The following GBF1 variants were observed in gnomAD, a reference collection of about 807,000 sequenced individuals.
GBF1 encodes Golgi-specific brefeldin A-resistance guanine nucleotide exchange factor 1.
GBF1 carries 114 observed loss-of-function variants against 210.5 expected under a neutral mutation model. That is an observed-to-expected ratio of 0.54 (90% CI 0.47 to 0.63). The LOEUF (loss-of-function observed/expected upper bound fraction) is 0.63. GBF1 is among the 30% of genes least tolerant of loss of function. The pLI, the probability that GBF1 is intolerant of heterozygous loss-of-function variation, is 0.00. For synonymous variants in GBF1, 850 were observed against 889.2 expected (o/e 0.96, Z 0.78); for missense variants, 1,851 against 2,357.7 (o/e 0.79, Z 4.45).
At chr10:102,357,483 T>C (rs1426719495) in intron 8 of GBF1, among the ~76,000 whole-genome samples, 2 of 142,772 alleles carry the variant, frequency 1.4e-5, no homozygotes, top group African/African-American at 5.2e-5. Context: ...CTAGACTCCA[T>C]CTCAAAAAAA....
chr10:102,346,707 C>A (rs1434569783), intron 4 of GBF1, among the ~76,000 whole-genome samples: 2 of 152,128 alleles, frequency 1.3e-5, no homozygotes, highest in African/African-American at 4.8e-5. Flanking sequence ...GGAGTTTCTC[C>A]ATGTTGCCCA....
intron 8 of GBF1, among the ~76,000 whole-genome samples, chr10:102,354,702 C>T (rs1354946958): frequency 6.6e-6 from 1 of 152,072 alleles, no homozygotes; most frequent in Non-Finnish European, 1.5e-5. Flanking sequence ...CATAGTTAGC[C>T]TAGAAAGCCT....
chr10:102,361,939 G>T, intron 14 of GBF1, 27 bp downstream of exon 14: 2 of 1,436,340 alleles, frequency 1.4e-6, no homozygotes, highest in East Asian at 2.4e-5. Flanking sequence ...CTGGCTTCTA[G>T]GAAAAAACGC....
chr10:102,381,302 G>T (rs755004712), intron 39 of GBF1, 47 bp downstream of exon 39: 2 of 1,599,440 alleles, frequency 1.3e-6, no homozygotes, highest in South Asian at 1.1e-5. Context: ...AGCAAGCAGG[G>T]GGCCTAAGAG....
chr10:102,251,256 A>C (rs578011461), intron 1 of GBF1, among the ~76,000 whole-genome samples: 4 of 152,262 alleles, frequency 2.6e-5, no homozygotes, highest in African/African-American at 9.6e-5. Flanking sequence ...TCTGGTAGAG[A>C]AGCAAATATA....
At chr10:102,357,066 C>G (rs894815835) in intron 8 of GBF1, among the ~76,000 whole-genome samples, 1 of 152,120 alleles carries the variant, frequency 6.6e-6, no homozygotes, top group Non-Finnish European at 1.5e-5. Flanking sequence ...TTGGGAGCAG[C>G]AGAGAGCACA....
At position 102,363,878 on chromosome 10, in the gene GBF1, A is replaced by AG. The variant is rs1386723209; in HGVS notation, c.2106+82dup. ...GTAGGGTTTCCATCTCAGAAGATGA[A>AG]GGAGAGTCTAGCACCTCATTGTACA... On this transcript the variant is annotated intron_variant, in intron 17 of 39. Coordinates refer to ENST00000369983, the MANE Select transcript of GBF1 (RefSeq NM_001377137.1). This position sits in a 1 kb window ranked among gnomAD's most constrained non-coding sequence, Gnocchi z 4.2. 2.3e-6 allele frequency: 2 copies of AG among 859,952 alleles called. No homozygotes were observed. The highest frequency in any genetic ancestry group is 3.9e-6 in the Non-Finnish European group (2 of 513,756). The allele number at this position is 859,952 out of a possible 1,614,324, so 53.3% of individuals were successfully genotyped here.
At chr10:102,311,382 G>A (rs556787663) in intron 3 of GBF1, among the ~76,000 whole-genome samples, 2 of 152,334 alleles carry the variant, frequency 1.3e-5, no homozygotes, top group Admixed American at 1.3e-4. Flanking sequence ...AACTAAAAGA[G>A]AAGCTGCAGG....
chr10:102,337,930 C>T (rs1250230698), intron 3 of GBF1, among the ~76,000 whole-genome samples: 1 of 152,156 alleles, frequency 6.6e-6, no homozygotes, highest in Non-Finnish European at 1.5e-5. Context: ...CCCCCAACCC[C>T]ACTTGTTGCA....
At chr10:102,351,460 T>C in intron 5 of GBF1, 86 bp downstream of exon 5, 1 of 827,894 alleles carries the variant, frequency 1.2e-6, no homozygotes, top group Admixed American at 1.8e-5. Context: ...CATGAAACTG[T>C]GTTTTGACTC....
intron 3 of GBF1, among the ~76,000 whole-genome samples, chr10:102,301,490 T>C (rs1307083085): frequency 6.6e-6 from 1 of 152,224 alleles, no homozygotes; most frequent in Admixed American, 6.5e-5. Context: ...CAGTGAGCTG[T>C]TGGGTACACC....
chr10:102,310,288 C>G (rs1340990951), intron 3 of GBF1, among the ~76,000 whole-genome samples: 5 of 152,234 alleles, frequency 3.3e-5, no homozygotes, highest in Non-Finnish European at 7.3e-5. Context: ...TATTTTCAAA[C>G]TAGCTTCCTA....
intron 1 of GBF1, among the ~76,000 whole-genome samples, chr10:102,249,717 A>C (rs1401905746): frequency 7.1e-6 from 1 of 141,436 alleles, no homozygotes; most frequent in African/African-American, 2.7e-5. Flanking sequence ...TCTCTGATGG[A>C]GTCTTGCTCT....
chr10:102,308,710 C>T (rs919299990), intron 3 of GBF1, among the ~76,000 whole-genome samples: 1 of 138,188 alleles, frequency 7.2e-6, no homozygotes, highest in African/African-American at 2.8e-5. Context: ...GAACATCACA[C>T]TCTGGGGACT....
chr10:102,361,588 T>C, intron 13 of GBF1, 130 bp from the exon 14 acceptor site: 2 of 606,678 alleles, frequency 3.3e-6, no homozygotes, highest in South Asian at 4.1e-5. Context: ...GGAATACCTT[T>C]GGGTGTCTCT....
the GBF1 span, chr10:102,232,070 C>G: frequency 6.3e-7 from 1 of 1,597,858 alleles, no homozygotes; most frequent in Admixed American, 1.7e-5. Context: ...GCTGAGCAGG[C>G]CGAACTCCAT....
At chr10:102,322,466 A>G (rs927118211) in intron 3 of GBF1, among the ~76,000 whole-genome samples, 1 of 152,120 alleles carries the variant, frequency 6.6e-6, no homozygotes, top group African/African-American at 2.4e-5. Context: ...TGTATGTTCA[A>G]TTGCTAAAGG....
At chr10:102,318,385 T>C (rs1215777749) in intron 3 of GBF1, among the ~76,000 whole-genome samples, 1 of 151,054 alleles carries the variant, frequency 6.6e-6, no homozygotes, top group Non-Finnish European at 1.5e-5. Context: ...GAGATGGGGT[T>C]TCGCCATGTT....
chr10:102,294,741 C>A (rs998219953), intron 3 of GBF1, among the ~76,000 whole-genome samples: 2 of 152,104 alleles, frequency 1.3e-5, no homozygotes, highest in African/African-American at 4.8e-5. Flanking sequence ...CAAATCCTTA[C>A]CATTGTGTTA....
Sources: gnomAD v4.1 joint callset for allele counts (sites outside exome capture counted in the v4.1 genomes callset) on GRCh38, gnomAD v4.1.1 for gene constraint, Gnocchi (gnomAD v3.1) non-coding constraint, MANE v1.5 for transcripts, NCBI Gene and HGNC (gene_info 2026-07-23, HGNC 2026-07-21) for gene names.